Variants in MYH4 observed in about 807,000 individuals in gnomAD.
The protein encoded by MYH4 is myosin heavy chain 4.
Under a neutral mutation model 229.9 loss-of-function variants are expected in MYH4, and 200 were observed. The observed-to-expected ratio is 0.87, with a 90% CI of 0.78 to 0.98. The LOEUF (loss-of-function observed/expected upper bound fraction) is 0.98, where lower values mean the gene tolerates loss of function less well. Among genes scored for constraint, MYH4 ranks in the 50% least tolerant of loss-of-function variants. MYH4 has a pLI of 0.00. For missense variants in MYH4, 2,148 were observed against 2,332.6 expected (o/e 0.92, Z 1.63); for synonymous variants, 761 against 834.6 (o/e 0.91, Z 1.52).
At chr17:10,454,857 T>A (rs1259421536) in intron 21 of MYH4, 47 bp from the exon 22 acceptor site, 3 of 1,609,720 alleles carry the variant, frequency 1.9e-6, no homozygotes, top group Non-Finnish European at 2.5e-6. Flanking sequence ...ATGTGGAAAG[T>A]GATCATCACT....
rs915263067 is a variant in MYH4 at position 10,454,941 on chromosome 17, C to T, written c.2435G>A (p.Arg812Lys). Reference sequence around the variant, plus strand: ...GGAAGACTTGTGTGTGGGCTCTCACCTCCTCTCCATCATCTTTCTGAACTC... The same window carrying T: ...GGAAGACTTGTGTGTGGGCTCTCACTTCCTCTCCATCATCTTTCTGAACTC... ...RVEFRKMMER[R>K]ESIFCIQYNI... The change falls in exon 21 of 40, where the codon AGA (arginine) becomes AAA (lysine). Residue 812 changes from arginine to lysine, a missense_variant and splice_region_variant. Arg to Lys is a conservative substitution (Grantham distance 26, BLOSUM62 2). Transcript: ENST00000255381. 2 of 1,613,904 alleles carry T rather than the reference C, an allele frequency of 1.2e-6. No homozygotes were observed. Among genetic ancestry groups the T allele is most frequent in the Admixed American group, 1.7e-5 (1 of 59,996 alleles).
chr17:10,463,071 A>C lies in MYH4; in HGVS notation c.904+19T>G. On this transcript the variant is annotated intron_variant, in intron 10 of 39. Coordinates refer to ENST00000255381, the MANE Select transcript of MYH4 (RefSeq NM_017533.2). ...GGGCTGTTATTCTTTGGTAGAAATA[A>C]ATCAAAGATGTGTCTTACCAATGAG... is the stretch of plus-strand genomic sequence containing the variant. 6.3e-7 allele frequency: 1 copy of C among 1,598,880 alleles called. No homozygotes were observed. The highest frequency in any genetic ancestry group is 8.6e-7 in the Non-Finnish European group (1 of 1,167,236).
chr17:10,454,050 G>A (rs2072609449), intron 22 of MYH4, among the ~76,000 whole-genome samples, 165 bp from the exon 23 acceptor site: 1 of 152,210 alleles, frequency 6.6e-6, no homozygotes, highest in African/African-American at 2.4e-5. Flanking sequence ...GTTATCTACT[G>A]ATCAAGTATA....
chr17:10,467,328 C>T (rs2011488), intron 2 of MYH4, among the ~76,000 whole-genome samples: 3 of 151,912 alleles, frequency 2.0e-5, no homozygotes, highest in Non-Finnish European at 4.4e-5. Flanking sequence ...CTGTTCTTTC[C>T]GGACATAAGT....
Position 10,453,193 on chromosome 17 carries a change from G to T in MYH4, c.3070C>A (p.Leu1024Met). 6.2e-7 allele frequency: 1 copy of T among 1,614,060 alleles called. No individual in the cohort carries two copies. The highest frequency in any genetic ancestry group is 8.5e-7 in the Non-Finnish European group (1 of 1,180,014). ...LQMEEDKVNT[L>M]TKAKTKLEQQ... is the part of the protein sequence containing the mutation. ...TCTAGCTTGGTTTTAGCTTTGGTCA[G>T]GGTGTTGACTTTGTCCTCCTCCATC... Residue 1024 changes from leucine to methionine, a missense_variant, in exon 24 of 40, where the codon CTG becomes ATG. Coordinates refer to ENST00000255381, the MANE Select transcript of MYH4 (RefSeq NM_017533.2).
rs1361800362 is a variant in MYH4 at position 10,460,820 on chromosome 17, C to T, written c.1147+96G>A. 1.1e-5 allele frequency: 15 copies of T among 1,340,082 alleles called. No individual in the cohort carries two copies. In the Admixed American group the frequency reaches 1.4e-4, roughly 12 times the overall value. 83.0% of individuals were successfully genotyped at this position (1,340,082 alleles called of 1,614,324 possible). A position where few individuals can be genotyped will look rare whatever the true frequency, so the allele number is the denominator to read the frequency against. Reference sequence around the variant, plus strand: ...CTTCTCGTAATACTTTTGCCCTTCACGAGCTAGGTCAGAGAAAGTAAAAAC... The same window carrying T: ...CTTCTCGTAATACTTTTGCCCTTCATGAGCTAGGTCAGAGAAAGTAAAAAC... On this transcript the variant is annotated intron_variant, in intron 12 of 39. Coordinates refer to ENST00000255381, the MANE Select transcript of MYH4 (RefSeq NM_017533.2).
At position 10,452,154 on chromosome 17, in the gene MYH4, G is replaced by C; in HGVS notation, c.3525C>G (p.Phe1175Leu). 3 of 1,614,000 alleles carry C rather than the reference G, an allele frequency of 1.9e-6. No individual in the cohort carries two copies. The highest frequency in any genetic ancestry group is 2.5e-6 in the Non-Finnish European group (3 of 1,180,020). ...CTTCCAGGTCCCTGCGCATTTTCTGGAACTCAGCCTCCCGCTTCTTGTTCA... is the reference window on the plus strand; with the variant it reads ...CTTCCAGGTCCCTGCGCATTTTCTGCAACTCAGCCTCCCGCTTCTTGTTCA... ...IEMNKKREAEFQKMRRDLEES... is the reference protein window; with the variant it reads ...IEMNKKREAELQKMRRDLEES... The change falls in exon 27 of 40, where the codon TTC becomes TTG. Residue 1175 changes from phenylalanine to leucine, a missense_variant. Phe to Leu is a conservative substitution (Grantham distance 22). Transcript: ENST00000255381.
In MYH4 at chr17:10,459,287, C is replaced by T. The variant is rs2072674974; in HGVS notation, c.1551G>A (p.Gly517=). 6.2e-7 allele frequency: 1 copy of T among 1,613,932 alleles called. No individual in the cohort carries two copies. ...GCTCGATGCAGGCAGCCAGGTCCAT[C>T]CCGAAGTCAATGAACTCCCACTCGA... ...EGIEWEFIDF[G]MDLAACIELI... The change falls in exon 15 of 40, where the codon GGG becomes GGA. Residue 517 remains glycine (G), a synonymous_variant. Transcript: ENST00000255381.
At chr17:10,461,877 T>C (rs1482399145) in intron 11 of MYH4, among the ~76,000 whole-genome samples, 1 of 152,178 alleles carries the variant, frequency 6.6e-6, no homozygotes, top group Non-Finnish European at 1.5e-5. Flanking sequence ...CCCAGATTAT[T>C]GACTTCCACT....
rs914038789 is a variant in MYH4, at chr17:10,466,688, A to G, written c.58T>C (p.Ser20Pro). 6.2e-7 allele frequency: 1 copy of G among 1,614,158 alleles called. No homozygotes were observed. The highest frequency in any genetic ancestry group is 8.5e-7 in the Non-Finnish European group (1 of 1,180,034). ...FGEAAPFLRK[S>P]EKERIEAQNK... ...TGAGCTTCAATTCGCTCCTTTTCAG[A>G]CTTTCGGAGGAAAGGAGCAGCCTCC... The change falls in exon 3 of 40, where the codon TCT (serine) becomes CCT (proline). Residue 20 changes from serine to proline, a missense_variant. Coordinates refer to ENST00000255381, the MANE Select transcript of MYH4 (RefSeq NM_017533.2).
chr17:10,448,031 A>G lies in MYH4; in HGVS notation c.4752T>C (p.Asp1584=), dbSNP rs1201046452. The G allele has an allele frequency of 1.2e-6, 2 of 1,613,890 alleles. No individual in the cohort carries two copies. Among genetic ancestry groups the G allele is most frequent in the South Asian group, 1.1e-5 (1 of 91,074 alleles). ...TCCTCTTTAGCTGATCGAGTTCTTC[A>G]TCTTTTTCAGCAATTTTTCGGTCAA... is the stretch of plus-strand genomic sequence containing the variant. ...SEIDRKIAEK[D]EELDQLKRNH... is the part of the protein sequence containing the mutation. Residue 1584 remains aspartate, a synonymous_variant, in exon 34 of 40, where the codon GAT becomes GAC. Transcript: ENST00000255381.
In MYH4 at chr17:10,452,737, T is replaced by G. The variant is rs1327404329; in HGVS notation, c.3257+50A>C. 2.0e-6 allele frequency: 3 copies of G among 1,535,498 alleles called. No individual in the cohort carries two copies. The Admixed American group carries it at 6.4e-5, about 33-fold the overall frequency. ...GAGATCTTTTTAGCGTATGTTTCAT[T>G]TGCATTGACATACAACAAGCAGGTT... is the stretch of plus-strand genomic sequence containing the variant. On this transcript the variant is annotated intron_variant, in intron 25 of 39. Coordinates refer to ENST00000255381, the MANE Select transcript of MYH4 (RefSeq NM_017533.2).
intron 11 of MYH4, among the ~76,000 whole-genome samples, chr17:10,461,977 A>G (rs2072708356): frequency 6.6e-6 from 1 of 152,186 alleles, no homozygotes; most frequent in South Asian, 2.1e-4. Flanking sequence ...AACCTCGCAG[A>G]CCAGGGTGTG....
At chr17:10,452,666 C>G in intron 25 of MYH4, 121 bp downstream of exon 25, 2 of 1,319,166 alleles carry the variant, frequency 1.5e-6, no homozygotes, top group Non-Finnish European at 2.1e-6. Context: ...ATAAAAAGGT[C>G]AAAGATGTCA....
rs541617291 is a variant in MYH4 at position 10,464,655 on chromosome 17, G to A, written c.533+26C>T. On this transcript the variant is annotated intron_variant, in intron 6 of 39. Transcript: ENST00000255381. ...AGTAGCCACTACAATGATCAAAACA[G>A]AAAGAAAGTAACGAAATCTACATAC... is the stretch of plus-strand genomic sequence containing the variant. The A allele has an allele frequency of 2.5e-6, 4 of 1,613,678 alleles. 1 individual carries two copies. The Admixed American group carries it at 6.7e-5, about 27-fold the overall frequency.
chr17:10,454,926 T>A lies in MYH4; in HGVS notation c.2435+15A>T. ...TGAAAGTGTGGAGCAGGAAGACTTGTGTGTGGGCTCTCACCTCCTCTCCAT... is the reference window on the plus strand; with the variant it reads ...TGAAAGTGTGGAGCAGGAAGACTTGAGTGTGGGCTCTCACCTCCTCTCCAT... On this transcript the variant is annotated intron_variant, in intron 21 of 39. Coordinates refer to ENST00000255381, the MANE Select transcript of MYH4 (RefSeq NM_017533.2). The A allele has an allele frequency of 6.2e-7, 1 of 1,613,828 alleles. No homozygotes were observed. The highest frequency in any genetic ancestry group is 8.5e-7 in the Non-Finnish European group (1 of 1,179,722).
rs1326029687 is a variant in MYH4 at position 10,457,532 on chromosome 17, G to A, written c.1785C>T (p.Gly595=). Residue 595 remains glycine (G), a synonymous_variant, in exon 16 of 40, where the codon GGC becomes GGT. Transcript: ENST00000255381. ...GGGGGTCCTTGTTTTTGTCCAGCCA[G>A]CCGGCGATGTTGTAGTCCACGGTGC... ...YAGTVDYNIA[G]WLDKNKDPLN... 1 of 1,614,216 alleles carries A rather than the reference G, an allele frequency of 6.2e-7. No individual in the cohort carries two copies. Among genetic ancestry groups the A allele is most frequent in the Non-Finnish European group, 8.5e-7 (1 of 1,180,030 alleles).
At position 10,462,888 on chromosome 17, in the gene MYH4, G is replaced by C. The variant is rs567739039; in HGVS notation, c.985C>G (p.Gln329Glu). The C allele has an allele frequency of 5.9e-5, 96 of 1,613,816 alleles. 1 individual carries two copies. The South Asian group carries it at 9.8e-4, about 16-fold the overall frequency. Residue 329 changes from glutamine (Q) to glutamate (E), a missense_variant, in exon 11 of 40, where the codon CAG becomes GAG. Coordinates refer to ENST00000255381, the MANE Select transcript of MYH4 (RefSeq NM_017533.2). ...GEITVPSIDD[Q>E]EELMATDSAV... ...ACATCTGTGGCCATCAGCTCTTCCT[G>C]GTCATCAATGCTGGGCACAGTAATT...
Position 10,454,945 on chromosome 17 carries a change from T to A in MYH4, c.2431A>T (p.Arg811Trp). 1.2e-6 allele frequency: 2 copies of A among 1,614,130 alleles called. No homozygotes were observed. Among genetic ancestry groups the A allele is most frequent in the Non-Finnish European group, 1.7e-6 (2 of 1,179,986 alleles). Residue 811 changes from arginine to tryptophan, a missense_variant, in exon 21 of 40, where the codon AGG becomes TGG. Physicochemically the swap from Arg to Trp is moderately radical, Grantham distance 101 (BLOSUM62 -3). Transcript: ENST00000255381. ...GACTTGTGTGTGGGCTCTCACCTCCTCTCCATCATCTTTCTGAACTCCACT... is the reference window on the plus strand; with the variant it reads ...GACTTGTGTGTGGGCTCTCACCTCCACTCCATCATCTTTCTGAACTCCACT... ...MRVEFRKMMERRESIFCIQYN... is the reference protein window; with the variant it reads ...MRVEFRKMMEWRESIFCIQYN...
Sources: gnomAD v4.1 joint callset for allele counts (sites outside exome capture counted in the v4.1 genomes callset) on GRCh38, gnomAD v4.1.1 for gene constraint, MANE v1.5 for transcripts, NCBI Gene and HGNC (gene_info 2026-07-23, HGNC 2026-07-21) for gene names.